FALEC: variants seen among roughly 807,000 people sequenced by gnomAD.
The protein encoded by FALEC is focally amplified lncRNA on chromosome 1.
intron 1 of FALEC, among the ~76,000 whole-genome samples, chr1:150,516,584 A>C (rs1463052170): frequency 1.3e-5 from 2 of 152,250 alleles, no homozygotes; most frequent in South Asian, 4.1e-4. Flanking sequence ...TGCTGTTAGC[A>C]ATAAAAGGTG....
At chr1:150,527,813 C>G in the FALEC span, among the ~76,000 whole-genome samples, 6 of 151,980 alleles carry the variant, frequency 3.9e-5, no homozygotes, top group Non-Finnish European at 5.9e-5. Flanking sequence ...TCGCACCACT[C>G]CACTCCAACC....
the FALEC span, among the ~76,000 whole-genome samples, chr1:150,525,243 C>T: frequency 2.0e-5 from 3 of 152,092 alleles, no homozygotes; most frequent in Non-Finnish European, 4.4e-5. Flanking sequence ...GCTGAGATGG[C>T]ACCATTGCAC....
intron 1 of FALEC, among the ~76,000 whole-genome samples, chr1:150,516,497 A>G (rs1670571405): frequency 6.6e-6 from 1 of 152,244 alleles, no homozygotes; most frequent in Non-Finnish European, 1.5e-5. Context: ...TGAGAGTTAA[A>G]GAATTCTCCC....
downstream of FALEC, among the ~76,000 whole-genome samples, chr1:150,518,895 A>C (rs769118045): frequency 3.8e-3 from 576 of 152,000 alleles, 3 homozygotes; most frequent in Non-Finnish European, 6.8e-3. Flanking sequence ...CGTCTCTACC[A>C]AAAATACAAA....
downstream of FALEC, among the ~76,000 whole-genome samples, chr1:150,522,555 G>T (rs189134971): frequency 0.022 from 3,384 of 151,468 alleles, 147 homozygotes; most frequent in African/African-American, 0.078. Flanking sequence ...CCCAGGAGGG[G>T]GTGGTTGCCA....
At chr1:150,527,160 C>T in the FALEC span, among the ~76,000 whole-genome samples, 3 of 151,194 alleles carry the variant, frequency 2.0e-5, no homozygotes, top group East Asian at 1.9e-4. Flanking sequence ...AGGCTGGTCT[C>T]GAACTCCTGA....
chr1:150,527,359 A>G, the FALEC span, among the ~76,000 whole-genome samples: 1 of 151,022 alleles, frequency 6.6e-6, no homozygotes, highest in Non-Finnish European at 1.5e-5. Flanking sequence ...CCCGGGTTCA[A>G]GCGAGTCTCC....
downstream of FALEC, among the ~76,000 whole-genome samples, chr1:150,521,727 A>G (rs1670646078): frequency 6.6e-6 from 1 of 152,164 alleles, no homozygotes; most frequent in Non-Finnish European, 1.5e-5. Flanking sequence ...GTTTGTCATA[A>G]ATCAAGTGTC....
At chr1:150,521,838 A>G (rs1016501659), downstream of FALEC, among the ~76,000 whole-genome samples, 8 of 152,208 alleles carry the variant, frequency 5.3e-5, no homozygotes, top group African/African-American at 1.9e-4. Flanking sequence ...TTTGATATTT[A>G]TAGGCCAAGC....
the FALEC span, among the ~76,000 whole-genome samples, chr1:150,523,484 G>A: frequency 6.6e-6 from 1 of 150,998 alleles, no homozygotes; most frequent in African/African-American, 2.4e-5. Context: ...GTGAAACCCT[G>A]TCTCTACTAA....
At chr1:150,528,186 A>G in the FALEC span, among the ~76,000 whole-genome samples, 1 of 152,192 alleles carries the variant, frequency 6.6e-6, no homozygotes, top group Non-Finnish European at 1.5e-5. Context: ...TTGAGGAACC[A>G]GAGCCCTTTC....
chr1:150,536,077 G>T, the FALEC span, among the ~76,000 whole-genome samples: 1 of 152,208 alleles, frequency 6.6e-6, no homozygotes, highest in Admixed American at 6.5e-5. Flanking sequence ...GTAACACCAT[G>T]GCATGAGCTG....
chr1:150,522,972 TATATATA>T (rs1416953835), downstream of FALEC, among the ~76,000 whole-genome samples: 21 of 52,514 alleles, frequency 4.0e-4, 1 homozygote, highest in African/African-American at 1.4e-3. Flanking sequence ...TATATATATA[TATATATA>T]TATATTTTTT....
chr1:150,533,430 C>CTTTTT, the FALEC span, among the ~76,000 whole-genome samples: 288 of 97,664 alleles, frequency 2.9e-3, 7 homozygotes, highest in Non-Finnish European at 3.7e-3. Flanking sequence ...AGAACCAGAG[C>CTTTTT]TTTTTTTTTT....
chr1:150,524,143 AT>A, the FALEC span, among the ~76,000 whole-genome samples: 13 of 152,154 alleles, frequency 8.5e-5, no homozygotes, highest in East Asian at 2.5e-3. Context: ...TTGTTTTTTA[AT>A]TTTTTTATTT....
At chr1:150,518,243 C>T (rs1160295845), downstream of FALEC, among the ~76,000 whole-genome samples, 1 of 152,110 alleles carries the variant, frequency 6.6e-6, no homozygotes, top group Non-Finnish European at 1.5e-5. Context: ...TATTCTTCTT[C>T]CCATGTGCCC....
chr1:150,519,832 A>G (rs1670615963), downstream of FALEC, among the ~76,000 whole-genome samples: 1 of 151,314 alleles, frequency 6.6e-6, no homozygotes, highest in South Asian at 2.1e-4. Flanking sequence ...TGCCTGGGCA[A>G]CAAGAGCGAA....
the FALEC span, among the ~76,000 whole-genome samples, chr1:150,529,016 CAAAAAAAA>C: frequency 3.5e-4 from 21 of 59,288 alleles, no homozygotes; most frequent in African/African-American, 1.3e-3. Context: ...AAATAAATAG[CAAAAAAAA>C]AAAAAAAAAA....
At chr1:150,526,285 G>C in the FALEC span, among the ~76,000 whole-genome samples, 2 of 148,160 alleles carry the variant, frequency 1.3e-5, no homozygotes, top group Non-Finnish European at 3.0e-5. Context: ...GGGAGGCGGA[G>C]CTTGCAGTGA....
Sources: allele counts gnomAD v4.1 joint callset (sites outside exome capture counted in the v4.1 genomes callset), GRCh38; gene constraint gnomAD v4.1.1; transcripts MANE v1.5; gene names NCBI Gene and HGNC (gene_info 2026-07-23, HGNC 2026-07-21).